Variants in CTDP1 observed in about 807,000 individuals in gnomAD.
CTDP1 encodes CTD phosphatase 1, also known as RNA polymerase II subunit A C-terminal domain phosphatase.
CTDP1 carries 47 observed loss-of-function variants against 91.8 expected under a neutral mutation model. The ratio of observed to expected loss-of-function variants is 0.51; its 90% confidence interval spans 0.41 to 0.65. CTDP1 has a LOEUF of 0.65. Ranked by LOEUF, CTDP1 falls within the 30% of genes least tolerant of loss-of-function variation. The pLI is 0.00. For missense variants in CTDP1, 1,272 were observed against 1,373.7 expected, an observed-to-expected ratio of 0.93 and a Z score of 1.17; for synonymous variants, 656 against 598.5, an observed-to-expected ratio of 1.10 and a Z score of -1.40.
At chr18:79,742,416 A>G (rs886712624) in intron 12 of CTDP1, among the ~76,000 whole-genome samples, 1 of 152,234 alleles carries the variant, frequency 6.6e-6, no homozygotes, top group African/African-American at 2.4e-5. Context: ...CCCTGTATCC[A>G]GCAAAACAAC....
Position 79,728,958 on chromosome 18 carries a change from T to C in CTDP1, c.2469T>C (p.Ala823=), listed in dbSNP as rs1207191948. ...PQMFGEELPD[A]QDGEQPGPSR... Reference sequence around the variant, plus strand: ...TGTTTGGTGAAGAGCTGCCTGACGCTCAGGACGGAGAGCAGCCTGGCCCTT... The same window carrying C: ...TGTTTGGTGAAGAGCTGCCTGACGCCCAGGACGGAGAGCAGCCTGGCCCTT... Residue 823 remains alanine, a synonymous_variant, in exon 11 of 13, where the codon GCT becomes GCC. Coordinates refer to ENST00000613122, the MANE Select transcript of CTDP1 (RefSeq NM_004715.5). The C allele has an allele frequency of 3.7e-6, 6 of 1,613,990 alleles. No homozygotes were observed. The highest frequency in any genetic ancestry group is 5.1e-6 in the Non-Finnish European group (6 of 1,180,040).
chr18:79,688,654 C>T (rs2085558043), intron 1 of CTDP1, among the ~76,000 whole-genome samples: 1 of 152,178 alleles, frequency 6.6e-6, no homozygotes. Flanking sequence ...CCTGCCTTGG[C>T]TTCCCAAAGT....
rs771211042 is a variant in CTDP1, at chr18:79,702,079, C to T, written c.622-2688C>T. ...GTTGGTAAACCAGCGGCAGGGTCTA[C>T]GAGGATTGCTCCTAGTTTTGAAAGC... On this transcript the variant is annotated intron_variant, in intron 4 of 12. Transcript: ENST00000613122. 3.6e-4 allele frequency among the ~76,000 whole-genome samples: 55 copies of T among 152,210 alleles called. 1 individual carries two copies. The highest frequency in any genetic ancestry group is 1.3e-4 in the Non-Finnish European group (9 of 68,036).
chr18:79,753,579 A>G, intron 12 of CTDP1, 73 bp from the exon 13 acceptor site: 1 of 1,612,380 alleles, frequency 6.2e-7, no homozygotes, highest in African/African-American at 1.3e-5. Flanking sequence ...CCACTTCCCA[A>G]ATGCAGACCA....
intron 12 of CTDP1, among the ~76,000 whole-genome samples, chr18:79,742,176 A>AGAG (rs964890488): frequency 1.0e-5 from 1 of 95,882 alleles, no homozygotes; most frequent in African/African-American, 3.8e-5. Flanking sequence ...AGGAAGCATG[A>AGAG]AGCATGAGAG....
chr18:79,715,560 G>T, intron 8 of CTDP1, 32 bp downstream of exon 8: 1 of 1,531,442 alleles, frequency 6.5e-7, no homozygotes, highest in Non-Finnish European at 8.8e-7. Flanking sequence ...CCTGGGCATG[G>T]TCAGGCCCGC....
intron 1 of CTDP1, among the ~76,000 whole-genome samples, chr18:79,689,199 G>C (rs1356186295): frequency 6.6e-6 from 1 of 152,162 alleles, no homozygotes; most frequent in Non-Finnish European, 1.5e-5. Context: ...GCCTGGTTTA[G>C]TAGGACATCC....
intron 5 of CTDP1, among the ~76,000 whole-genome samples, chr18:79,705,366 CAGG>C (rs1319496501): frequency 1.8e-4 from 27 of 152,268 alleles, no homozygotes; most frequent in African/African-American, 6.5e-4. Context: ...GCGTGAATGC[CAGG>C]CTACGGTGCC....
At chr18:79,736,123 C>T (rs1444630468) in intron 11 of CTDP1, 2 of 597,510 alleles carry the variant, frequency 3.3e-6, no homozygotes, top group East Asian at 2.8e-5. Flanking sequence ...TAAACCCAAT[C>T]TTTGCCTGCG....
Position 79,694,323 on chromosome 18 carries a change from G to A in CTDP1, c.315-902G>A, listed in dbSNP as rs139843274. On this transcript the variant is annotated intron_variant, in intron 1 of 12. Coordinates refer to ENST00000613122, the MANE Select transcript of CTDP1 (RefSeq NM_004715.5). Reference sequence around the variant, plus strand: ...CTCATGTCCACGGGGTGGGGTGGTCGGAGCAGCCCAGCTGGGACGGGAGTG... The same window carrying A: ...CTCATGTCCACGGGGTGGGGTGGTCAGAGCAGCCCAGCTGGGACGGGAGTG... Among the ~76,000 whole-genome samples, 300 of 100,508 alleles carry A rather than the reference G, an allele frequency of 3.0e-3. 2 individuals are homozygous for A. Among genetic ancestry groups the A allele is most frequent in the East Asian group, 0.022 (55 of 2,470 alleles). 65.9% of individuals were successfully genotyped at this position (100,508 alleles called of 152,430 possible). A position where few individuals can be genotyped will look rare whatever the true frequency, so the allele number is the denominator to read the frequency against.
intron 7 of CTDP1, among the ~76,000 whole-genome samples, chr18:79,714,015 C>T (rs1298243725): frequency 6.8e-6 from 1 of 146,534 alleles, no homozygotes; most frequent in Non-Finnish European, 1.5e-5. Context: ...TCTGCAGGGG[C>T]TTACGGCCAC....
At chr18:79,699,138 G>A (rs765457658) in intron 4 of CTDP1, among the ~76,000 whole-genome samples, 2 of 152,178 alleles carry the variant, frequency 1.3e-5, no homozygotes, top group African/African-American at 2.4e-5. Flanking sequence ...ATTTCTGGCT[G>A]TGTTAGTCAT....
intron 5 of CTDP1, among the ~76,000 whole-genome samples, chr18:79,706,593 C>T (rs1447933859): frequency 1.3e-5 from 2 of 152,030 alleles, no homozygotes; most frequent in Non-Finnish European, 2.9e-5. Flanking sequence ...CCTAGTTTGT[C>T]TTAATATATG....
intron 10 of CTDP1, among the ~76,000 whole-genome samples, chr18:79,728,579 TC>T (rs1252600594): frequency 6.6e-6 from 1 of 151,892 alleles, no homozygotes; most frequent in Non-Finnish European, 1.5e-5. Flanking sequence ...ACGCTTCATC[TC>T]CCGTCTCTCT....
chr18:79,729,463 G>A (rs967209368), intron 11 of CTDP1, among the ~76,000 whole-genome samples: 2 of 152,220 alleles, frequency 1.3e-5, no homozygotes, highest in Non-Finnish European at 2.9e-5. Flanking sequence ...CCCCCTGCCT[G>A]ACGCCGACCG....
chr18:79,715,437 C>T lies in CTDP1; in HGVS notation c.1977C>T (p.His659=), dbSNP rs769072618. ...TAGAGAAGACGCGGGAGCATTACCA[C>T]GCCACGGCGCTGGGAGCGAAGATCC... ...FPIEKTREHY[H]ATALGAKILT... Residue 659 remains histidine, a synonymous_variant, in exon 8 of 13, where the codon CAC becomes CAT. Transcript: ENST00000613122. The T allele has an allele frequency of 5.1e-5, 82 of 1,594,138 alleles. No individual in the cohort carries two copies. The highest frequency in any genetic ancestry group is 6.3e-5 in the Non-Finnish European group (74 of 1,170,552).
upstream of CTDP1, chr18:79,678,704 G>C (rs548756422): frequency 4.6e-5 from 7 of 152,234 alleles, no homozygotes; most frequent in East Asian, 9.6e-4. Flanking sequence ...ATTTATATAC[G>C]TAAGGACAAA....
chr18:79,742,604 G>A (rs371331592), intron 12 of CTDP1, among the ~76,000 whole-genome samples: 2 of 152,246 alleles, frequency 1.3e-5, no homozygotes, highest in Non-Finnish European at 2.9e-5. Flanking sequence ...GTAAGGTAGC[G>A]TGTTGCTTCT....
Position 79,680,095 on chromosome 18 carries a change from G to C in CTDP1, c.148G>C (p.Ala50Pro). 7.1e-7 allele frequency: 1 copy of C among 1,408,610 alleles called. No homozygotes were observed. The highest frequency in any genetic ancestry group is 1.5e-5 in the South Asian group (1 of 68,876). 87.3% of individuals were successfully genotyped at this position (1,408,610 alleles called of 1,614,324 possible). The change falls in exon 1 of 13, where the codon GCC becomes CCC. Residue 50 changes from alanine (A) to proline (P), a missense_variant. Coordinates refer to ENST00000613122, the MANE Select transcript of CTDP1 (RefSeq NM_004715.5). ...GGCCGTGCGCATCGGCTCGGTGCTG[G>C]CCGTGTTCGAGGCCGCCGCCTCCGC... is the stretch of plus-strand genomic sequence containing the variant. ...GAAVRIGSVL[A>P]VFEAAASAQS...
Sources: gnomAD v4.1 joint callset for allele counts (sites outside exome capture counted in the v4.1 genomes callset) on GRCh38, gnomAD v4.1.1 for gene constraint, MANE v1.5 for transcripts, NCBI Gene and HGNC (gene_info 2026-07-23, HGNC 2026-07-21) for gene names.